RIPOR3: variants seen among roughly 807,000 people sequenced by gnomAD.
The protein encoded by RIPOR3 is family with sequence similarity 65 member C.
A neutral mutation model predicts 114.3 loss-of-function variants in RIPOR3; 95 were observed. The observed-to-expected ratio is 0.83, with a 90% CI of 0.70 to 0.99. The LOEUF (loss-of-function observed/expected upper bound fraction) is 0.99. RIPOR3 is among the 50% of genes least tolerant of loss of function. The pLI, the probability that RIPOR3 is intolerant of heterozygous loss-of-function variation, is 0.00. For synonymous variants in RIPOR3, 575 were observed against 543.8 expected (o/e 1.06, Z -0.80); for missense variants, 1,252 against 1,266.9 (o/e 0.99, Z 0.18).
chr20:50,644,063 T>C (rs932673687), intron 1 of RIPOR3, among the ~76,000 whole-genome samples: 1 of 151,778 alleles, frequency 6.6e-6, no homozygotes, highest in South Asian at 2.1e-4. Flanking sequence ...AAGGCTGCAG[T>C]GAGCCAGGAT....
chr20:50,587,778 T>A lies in RIPOR3; in HGVS notation c.2752+24A>T, dbSNP rs145620777. ...AAGGGCCCCAGGCACCCCGCTGCGC[T>A]GCACAGTTTGTGCCACTTTTTACCG... On this transcript the variant is annotated intron_variant, in intron 21 of 21. Coordinates refer to ENST00000327979, the MANE Select transcript of RIPOR3 (RefSeq NM_001290268.2). The A allele has an allele frequency of 3.0e-4, 480 of 1,612,890 alleles. No homozygotes were observed. In the African/African-American group the frequency reaches 5.7e-3, roughly 19 times the overall value.
At chr20:50,616,181 G>T in intron 3 of RIPOR3, 101 bp from the exon 4 acceptor site, 3 of 1,124,608 alleles carry the variant, frequency 2.7e-6, no homozygotes, top group East Asian at 2.6e-5. Flanking sequence ...GCAGACACGG[G>T]GCTCAGCGGG....
At position 50,689,042 on chromosome 20, in the gene RIPOR3, C is replaced by T. The variant is rs577222398; in HGVS notation, c.3+2084G>A. On this transcript the variant is annotated intron_variant, in intron 1 of 21. Transcript: ENST00000327979. Reference sequence around the variant, plus strand: ...TGCAGGGCCATAGGGTTGTTACAACCGACACCCATGCAGGTGGTACCACAG... The same window carrying T: ...TGCAGGGCCATAGGGTTGTTACAACTGACACCCATGCAGGTGGTACCACAG... Among the ~76,000 whole-genome samples, 6 of 152,270 alleles carry T rather than the reference C, an allele frequency of 3.9e-5. No individual in the cohort carries two copies. The South Asian group carries it at 1.0e-3, about 26-fold the overall frequency.
At chr20:50,589,884 AAAC>A (rs1347248426) in intron 19 of RIPOR3, 115 bp from the exon 20 acceptor site, 3 of 846,222 alleles carry the variant, frequency 3.5e-6, no homozygotes, top group African/African-American at 3.4e-5. Flanking sequence ...ATCTTTCTCT[AAAC>A]AACGTTCAGG....
At chr20:50,620,690 C>A in intron 2 of RIPOR3, 1 of 262,740 alleles carries the variant, frequency 3.8e-6, no homozygotes, top group East Asian at 7.5e-5. Flanking sequence ...AATAAGGAGC[C>A]TAGATTTGAG....
intron 1 of RIPOR3, chr20:50,636,835 A>G (rs867382622): frequency 1.4e-5 from 14 of 985,358 alleles, no homozygotes; most frequent in Non-Finnish European, 1.7e-5. Context: ...ACCGCCAGCC[A>G]GAGGGAACCT....
chr20:50,630,947 C>T lies in RIPOR3; in HGVS notation c.4-91G>A, dbSNP rs1460384375. 6 of 971,562 alleles carry T rather than the reference C, an allele frequency of 6.2e-6. No individual in the cohort carries two copies. The East Asian group carries it at 1.6e-4, about 26-fold the overall frequency. 60.2% of individuals were successfully genotyped at this position (971,562 alleles called of 1,614,324 possible). ...CCACCTTCCACCAACACCTACAGAC[C>T]TCACAATGGCCCCAGAGTGTTGTGG... On this transcript the variant is annotated intron_variant, in intron 1 of 21. Transcript: ENST00000327979.
chr20:50,663,073 G>A (rs2086053110), intron 1 of RIPOR3, among the ~76,000 whole-genome samples: 1 of 149,858 alleles, frequency 6.7e-6, no homozygotes. Context: ...CTCCAGCCCG[G>A]GTGACAGAGA....
rs531134442 is a variant in RIPOR3 at position 50,626,258 on chromosome 20, C to T, written c.122+4480G>A. On this transcript the variant is annotated intron_variant, in intron 2 of 21. Coordinates refer to ENST00000327979, the MANE Select transcript of RIPOR3 (RefSeq NM_001290268.2). ...GTGGGCAGCTTCTTCCTTGCCCTCA[C>T]ACAAGGGGGCGGCAGAGGCCAAGGC... Among the ~76,000 whole-genome samples, 4 of 152,378 alleles carry T rather than the reference C, an allele frequency of 2.6e-5. No homozygotes were observed. The South Asian group carries it at 6.2e-4, about 24-fold the overall frequency.
At chr20:50,631,173 C>T (rs866960980) in intron 1 of RIPOR3, among the ~76,000 whole-genome samples, 4 of 152,160 alleles carry the variant, frequency 2.6e-5, no homozygotes, top group East Asian at 1.9e-4. Flanking sequence ...TCTCACCCCC[C>T]GAGCTTCTCC....
At chr20:50,606,516 T>C (rs1300004816) in intron 11 of RIPOR3, among the ~76,000 whole-genome samples, 1 of 152,076 alleles carries the variant, frequency 6.6e-6, no homozygotes, top group Non-Finnish European at 1.5e-5. Flanking sequence ...AGGGAGGGTG[T>C]ATGGATGGGC....
chr20:50,672,142 G>A (rs963175798), intron 1 of RIPOR3, among the ~76,000 whole-genome samples: 7 of 152,130 alleles, frequency 4.6e-5, no homozygotes, highest in African/African-American at 9.7e-5. Flanking sequence ...AGTAAGTCCC[G>A]ATGGGGCTGT....
chr20:50,633,083 G>T (rs2084871135), intron 1 of RIPOR3, among the ~76,000 whole-genome samples: 1 of 152,164 alleles, frequency 6.6e-6, no homozygotes, highest in African/African-American at 2.4e-5. Context: ...GGGCTACATG[G>T]TGAAGCCCCG....
In RIPOR3 at chr20:50,648,768, G is replaced by A. The variant is rs374188970; in HGVS notation, c.4-17912C>T. The stretch of plus-strand genomic sequence containing the variant: ...CATGCAGCCGAGATCCCTCGCATGC[G>A]TAGTTCACAATAGGGTTCGTGCTCC... On this transcript the variant is annotated intron_variant, in intron 1 of 21. Coordinates refer to ENST00000327979, the MANE Select transcript of RIPOR3 (RefSeq NM_001290268.2). 1.0e-3 allele frequency among the ~76,000 whole-genome samples: 154 copies of A among 152,112 alleles called. 1 individual carries two copies. Among genetic ancestry groups the A allele is most frequent in the East Asian group, 7.9e-3 (41 of 5,184 alleles).
Position 50,620,092 on chromosome 20 carries a change from C to T in RIPOR3, c.163G>A (p.Ala55Thr), listed in dbSNP as rs775867965. The T allele has an allele frequency of 9.3e-6, 15 of 1,614,026 alleles. No individual in the cohort carries two copies. The East Asian group carries it at 3.3e-4, about 36-fold the overall frequency. Residue 55 changes from alanine (A) to threonine (T), a missense_variant, in exon 3 of 22, where the codon GCA becomes ACA. Physicochemically the swap from Ala to Thr is moderately conservative, Grantham distance 58. Transcript: ENST00000327979. Reference protein sequence around the residue: ...NRNSVRSRMPAKSSKMYGTLR... With the variant: ...NRNSVRSRMPTKSSKMYGTLR... ...GTGCCGTACATCTTGGAGGATTTTG[C>T]AGGCATTCGCGATCTCACGGAGTTC...
chr20:50,684,590 C>A (rs577624850), intron 1 of RIPOR3, among the ~76,000 whole-genome samples: 3 of 152,232 alleles, frequency 2.0e-5, no homozygotes, highest in Non-Finnish European at 4.4e-5. Context: ...CAGGACCCTG[C>A]TGGCTGCACA....
chr20:50,670,596 A>G (rs1326775664), intron 1 of RIPOR3, among the ~76,000 whole-genome samples: 1 of 152,196 alleles, frequency 6.6e-6, no homozygotes, highest in Non-Finnish European at 1.5e-5. Context: ...GAGTAAATGT[A>G]CAGCATGGAT....
intron 1 of RIPOR3, among the ~76,000 whole-genome samples, chr20:50,631,725 G>A (rs1251088726): frequency 6.6e-6 from 1 of 152,182 alleles, no homozygotes; most frequent in Admixed American, 6.5e-5. Context: ...CCTGCAATGG[G>A]GCCAACCCCG....
chr20:50,608,762 C>T (rs931491159), intron 9 of RIPOR3, 24 bp from the exon 10 acceptor site: 9 of 1,613,208 alleles, frequency 5.6e-6, no homozygotes, highest in Admixed American at 1.7e-5. Context: ...CGAGAGGGGC[C>T]GCGTCAGCCC....
Sources: allele counts gnomAD v4.1 joint callset (sites outside exome capture counted in the v4.1 genomes callset), GRCh38; gene constraint gnomAD v4.1.1; transcripts MANE v1.5; gene names NCBI Gene and HGNC (gene_info 2026-07-23, HGNC 2026-07-21).